Variants in POC5 observed in about 807,000 individuals in gnomAD.
POC5 encodes the protein centrosomal protein POC5.
In POC5, 48 loss-of-function variants were observed where a neutral mutation model predicts 62.9. The observed-to-expected ratio is 0.76, with a 90% CI of 0.61 to 0.97. The LOEUF is 0.97. Ranked by LOEUF, POC5 falls within the 50% of genes least tolerant of loss-of-function variation. The pLI, the probability that POC5 is intolerant of heterozygous loss-of-function variation, is 0.00. For synonymous variants in POC5, 236 were observed against 228.2 expected, an observed-to-expected ratio of 1.03 and a Z score of -0.31; for missense variants, 696 against 679.5, an observed-to-expected ratio of 1.02 and a Z score of -0.27.
intron 6 of POC5, among the ~76,000 whole-genome samples, chr5:75,693,073 T>C (rs1487063192): frequency 3.4e-5 from 5 of 145,678 alleles, no homozygotes; most frequent in African/African-American, 1.0e-4. Context: ...ATGTTATACA[T>C]ATAACTATTA....
chr5:75,681,628 T>TTA (rs1198002625), intron 10 of POC5, among the ~76,000 whole-genome samples: 1 of 149,582 alleles, frequency 6.7e-6, no homozygotes, highest in Non-Finnish European at 1.5e-5. Flanking sequence ...TTAAATAATT[T>TTA]TTTAAAATAA....
chr5:75,690,903 T>G (rs1031014383), intron 7 of POC5, among the ~76,000 whole-genome samples: 1 of 152,210 alleles, frequency 6.6e-6, no homozygotes, highest in African/African-American at 2.4e-5. Flanking sequence ...GTTATGAATT[T>G]AGCAGGACCA....
At chr5:75,692,895 T>A (rs1209003206) in intron 6 of POC5, among the ~76,000 whole-genome samples, 1 of 151,846 alleles carries the variant, frequency 6.6e-6, no homozygotes, top group Non-Finnish European at 1.5e-5. Context: ...AATATCTTTC[T>A]GGTCCCTACT....
intron 10 of POC5, among the ~76,000 whole-genome samples, chr5:75,683,283 G>C (rs1775941779): frequency 6.6e-6 from 1 of 151,128 alleles, no homozygotes; most frequent in South Asian, 2.1e-4. Flanking sequence ...CGCCCAGGCT[G>C]AAGTGCAGTG....
At chr5:75,699,016 AG>A (rs1561474981) in intron 5 of POC5, among the ~76,000 whole-genome samples, 1 of 152,110 alleles carries the variant, frequency 6.6e-6, no homozygotes, top group Non-Finnish European at 1.5e-5. Flanking sequence ...AGACTAAACC[AG>A]GAAGAAGTTG....
At chr5:75,690,170 C>G (rs373464130) in intron 8 of POC5, among the ~76,000 whole-genome samples, 1 of 152,244 alleles carries the variant, frequency 6.6e-6, no homozygotes, top group South Asian at 2.1e-4. Flanking sequence ...TGAGGCACCG[C>G]GCCCAACTAA....
At chr5:75,687,329 C>T (rs1054008995) in intron 9 of POC5, among the ~76,000 whole-genome samples, 1 of 151,956 alleles carries the variant, frequency 6.6e-6, no homozygotes, top group Non-Finnish European at 1.5e-5. Flanking sequence ...CGCGCCTGGC[C>T]TATAAAAAAC....
intron 5 of POC5, among the ~76,000 whole-genome samples, chr5:75,695,676 C>CAA (rs200408272): frequency 2.6e-5 from 4 of 151,630 alleles, no homozygotes; most frequent in African/African-American, 9.7e-5. Flanking sequence ...AAACAAAAAA[C>CAA]AAAAAAACAA....
intron 10 of POC5, among the ~76,000 whole-genome samples, chr5:75,683,296 G>A (rs752989770): frequency 1.6e-4 from 24 of 151,128 alleles, no homozygotes; most frequent in African/African-American, 5.8e-4. Context: ...GTGCAGTGGC[G>A]TGATCTCAGC....
chr5:75,678,835 A>T (rs1277658091), intron 10 of POC5, among the ~76,000 whole-genome samples: 1 of 152,184 alleles, frequency 6.6e-6, no homozygotes, highest in Non-Finnish European at 1.5e-5. Context: ...TTATCGCTGG[A>T]TAATACTCCA....
chr5:75,712,687 A>C, intron 2 of POC5, 167 bp downstream of exon 2: 1 of 727,142 alleles, frequency 1.4e-6, no homozygotes, highest in South Asian at 1.8e-5. Flanking sequence ...AAACAATGTA[A>C]AGTCACTCCT....
chr5:75,690,661 A>G lies in POC5; in HGVS notation c.796-99T>C. ...CATGGTGGTAAGTGTACATATACAC[A>G]TTATTTAATTCTATGTAATCATATT... On this transcript the variant is annotated intron_variant, in intron 7 of 11. Transcript: ENST00000428202. 3.2e-6 allele frequency: 3 copies of G among 940,658 alleles called. No homozygotes were observed. The South Asian group carries it at 5.6e-5, about 18-fold the overall frequency. 58.3% of individuals were successfully genotyped at this position (940,658 alleles called of 1,614,324 possible).
intron 10 of POC5, among the ~76,000 whole-genome samples, chr5:75,680,369 T>C (rs1316044950): frequency 1.3e-5 from 2 of 152,134 alleles, no homozygotes; most frequent in Non-Finnish European, 2.9e-5. Flanking sequence ...AAAATGCTCA[T>C]AGATGATAAG....
chr5:75,689,482 T>C, intron 8 of POC5: 1 of 983,964 alleles, frequency 1.0e-6, no homozygotes, highest in African/African-American at 1.7e-5. Context: ...TTATGTAGGA[T>C]GTTAAACAAA....
intron 5 of POC5, among the ~76,000 whole-genome samples, chr5:75,700,008 C>G (rs971354789): frequency 6.6e-6 from 1 of 151,876 alleles, no homozygotes; most frequent in African/African-American, 2.4e-5. Context: ...ATCCAACTTA[C>G]AAGGGATGGG....
intron 5 of POC5, among the ~76,000 whole-genome samples, chr5:75,696,348 G>C (rs1776585664): frequency 6.6e-6 from 1 of 152,198 alleles, no homozygotes; most frequent in South Asian, 2.1e-4. Context: ...GGTTCTCCCA[G>C]CACGCAGCTG....
rs10056575 is a variant in POC5, at chr5:75,716,503, T to C, written c.-15+803A>G. On this transcript the variant is annotated intron_variant, in intron 1 of 11. Coordinates refer to ENST00000428202, the MANE Select transcript of POC5 (RefSeq NM_001099271.2). ...AAAAACCCACCGCACTCTTGGAAAA[T>C]ATGCTATCTTCCATCTGCCCTGCTT... is the stretch of plus-strand genomic sequence containing the variant. 2.4e-4 allele frequency among the ~76,000 whole-genome samples: 36 copies of C among 151,238 alleles called. 1 individual carries two copies. The highest frequency in any genetic ancestry group is 1.2e-3 in the East Asian group (6 of 5,140).
At chr5:75,704,840 T>C (rs1162404874) in intron 4 of POC5, among the ~76,000 whole-genome samples, 2 of 152,214 alleles carry the variant, frequency 1.3e-5, no homozygotes, top group African/African-American at 4.8e-5. Context: ...TCCACAATAT[T>C]ACATTTTAAT....
intron 10 of POC5, among the ~76,000 whole-genome samples, 156 bp from the exon 11 acceptor site, chr5:75,678,106 G>C (rs1359599963): frequency 6.6e-6 from 1 of 151,876 alleles, no homozygotes; most frequent in Admixed American, 6.6e-5. Flanking sequence ...AAGACGAAAA[G>C]CAAAACAAAA....
Sources: gnomAD v4.1 joint callset for allele counts (sites outside exome capture counted in the v4.1 genomes callset) on GRCh38, gnomAD v4.1.1 for gene constraint, MANE v1.5 for transcripts, NCBI Gene and HGNC (gene_info 2026-07-23, HGNC 2026-07-21) for gene names.